PDE9A: variants seen among roughly 807,000 people sequenced by gnomAD.
PDE9A encodes the protein phosphodiesterase 9A.
PDE9A carries 60 observed loss-of-function variants against 87.4 expected under a neutral mutation model. The observed-to-expected ratio is 0.69, with a 90% CI of 0.56 to 0.85. The LOEUF is 0.85. PDE9A is among the 40% of genes least tolerant of loss of function. PDE9A has a pLI of 0.00. For missense variants in PDE9A, 665 were observed against 779.0 expected (o/e 0.85, Z 1.74); for synonymous variants, 272 against 279.4 (o/e 0.97, Z 0.27).
intron 1 of PDE9A, among the ~76,000 whole-genome samples, chr21:42,666,942 G>A (rs1387815206): frequency 6.6e-6 from 1 of 152,204 alleles, no homozygotes; most frequent in Non-Finnish European, 1.5e-5. Context: ...CCAAAAGGTT[G>A]AAAGGCGGCA....
rs754316091 is a variant in PDE9A, at chr21:42,760,185, A to C, written c.898-143A>C. On this transcript the variant is annotated intron_variant, in intron 11 of 19. Coordinates refer to ENST00000291539, the MANE Select transcript of PDE9A (RefSeq NM_002606.3). The surrounding 1 kb of genome is among the most constrained non-coding windows in gnomAD (Gnocchi z 5.2). ...GTGTCACCTCATTGGTACCTGTGGT[A>C]AACCTGGAACACTGTTGACCTCTGG... 1 of 631,036 alleles carries C rather than the reference A, an allele frequency of 1.6e-6. No individual in the cohort carries two copies. The allele number at this position is 631,036 out of a possible 1,614,324, so 39.1% of individuals were successfully genotyped here.
At chr21:42,673,574 A>G (rs1358226146) in intron 1 of PDE9A, among the ~76,000 whole-genome samples, 1 of 152,256 alleles carries the variant, frequency 6.6e-6, no homozygotes, top group Non-Finnish European at 1.5e-5. Context: ...TGGGCAAATC[A>G]TAATAGTTTC....
chr21:42,770,045 C>G (rs2056887691), intron 17 of PDE9A, among the ~76,000 whole-genome samples: 1 of 152,166 alleles, frequency 6.6e-6, no homozygotes, highest in Non-Finnish European at 1.5e-5. Flanking sequence ...CGTCCCAGTT[C>G]CTCACCTGTG....
intron 4 of PDE9A, chr21:42,724,636 T>A (rs1404106423): frequency 1.0e-6 from 1 of 975,680 alleles, no homozygotes; most frequent in Non-Finnish European, 1.2e-6. Flanking sequence ...TCCATCGGTG[T>A]AAGTACCACC....
At chr21:42,697,378 G>C in intron 3 of PDE9A, 1 of 1,317,862 alleles carries the variant, frequency 7.6e-7, no homozygotes, top group Non-Finnish European at 1.1e-6. Flanking sequence ...AGCTTGGTGT[G>C]TATACCCCTC....
rs145969424 is a variant in PDE9A at position 42,695,564 on chromosome 21, C to T, written c.219-3404C>T. Among the ~76,000 whole-genome samples, 591 of 152,296 alleles carry T rather than the reference C, an allele frequency of 3.9e-3. 3 individuals carry two copies. The highest frequency in any genetic ancestry group is 0.012 in the African/African-American group (480 of 41,562). Reference sequence around the variant, plus strand: ...GTTCCCGGTTTCGGCCAAGTTGTGCCGCAGGTGACTCTCCACCGGCTGAGC... The same window carrying T: ...GTTCCCGGTTTCGGCCAAGTTGTGCTGCAGGTGACTCTCCACCGGCTGAGC... On this transcript the variant is annotated intron_variant, in intron 3 of 19. Transcript: ENST00000291539. This position sits in a 1 kb window ranked among gnomAD's most constrained non-coding sequence, Gnocchi z 4.3.
intron 1 of PDE9A, among the ~76,000 whole-genome samples, chr21:42,679,410 G>A (rs747537401): frequency 7.3e-5 from 11 of 151,582 alleles, no homozygotes; most frequent in Non-Finnish European, 1.0e-4. Context: ...TTGCTGCTTC[G>A]GGGCTCTCAG....
At chr21:42,740,589 GGATGGATGGA>G (rs2053040681) in intron 7 of PDE9A, among the ~76,000 whole-genome samples, 1 of 42,722 alleles carries the variant, frequency 2.3e-5, no homozygotes, top group Non-Finnish European at 5.2e-5. Context: ...ATGGGTGGAT[GGATGGATGGA>G]TGGATGGATG....
At chr21:42,710,196 T>C (rs970781273) in intron 4 of PDE9A, among the ~76,000 whole-genome samples, 5 of 151,878 alleles carry the variant, frequency 3.3e-5, no homozygotes, top group African/African-American at 9.7e-5. Context: ...TCACTTGAGG[T>C]CAGGAGTTCG....
Position 42,751,178 on chromosome 21 carries a change from A to G in PDE9A, c.716A>G (p.Asp239Gly). The change falls in exon 9 of 20, where the codon GAT (aspartate) becomes GGT (glycine). Residue 239 changes from aspartate to glycine, a missense_variant. By Grantham distance (94) the Asp-to-Gly change is moderately conservative. Coordinates refer to ENST00000291539, the MANE Select transcript of PDE9A (RefSeq NM_002606.3). ...DNHKKLTPRR[D>G]VPTYPKYLLS... is the part of the protein sequence containing the mutation. ...CACAAGAAGTTGACTCCTCGACGCGATGTTCCCACTTACCCCAAGGTAAGA... is the reference window on the plus strand; with the variant it reads ...CACAAGAAGTTGACTCCTCGACGCGGTGTTCCCACTTACCCCAAGGTAAGA... The G allele has an allele frequency of 1.2e-6, 2 of 1,611,948 alleles. No homozygotes were observed. Among genetic ancestry groups the G allele is most frequent in the South Asian group, 1.1e-5 (1 of 91,034 alleles).
rs1038447160 is a variant in PDE9A, at chr21:42,697,000, C to G, written c.219-1968C>G. Among the ~76,000 whole-genome samples the G allele has an allele frequency of 2.6e-5, 4 of 152,190 alleles. No individual in the cohort carries two copies. Among genetic ancestry groups the G allele is most frequent in the Non-Finnish European group, 5.9e-5 (4 of 68,032 alleles). ...AGCCCTCCAGTGCCAAATGACCCAC[C>G]ACTAAAAGGCCTTTTGAGGCAGGGC... On this transcript the variant is annotated intron_variant, in intron 3 of 19. Transcript: ENST00000291539. This position sits in a 1 kb window ranked among gnomAD's most constrained non-coding sequence, Gnocchi z 5.1.
intron 1 of PDE9A, among the ~76,000 whole-genome samples, chr21:42,674,175 C>T (rs115717898): frequency 2.2e-3 from 339 of 152,264 alleles, no homozygotes; most frequent in African/African-American, 6.4e-3. Flanking sequence ...CAAGCAGGAC[C>T]CCTGCCCAGG....
At chr21:42,732,175 C>CT (rs1569215269) in intron 6 of PDE9A, 51 bp downstream of exon 6, 5 of 1,554,624 alleles carry the variant, frequency 3.2e-6, no homozygotes, top group Non-Finnish European at 4.4e-6. Flanking sequence ...ACATCTTTCT[C>CT]TAAGAGCGAG....
At chr21:42,698,816 ACAGT>A (rs1372860957) in intron 3 of PDE9A, 148 bp from the exon 4 acceptor site, 15 of 501,064 alleles carry the variant, frequency 3.0e-5, no homozygotes, top group South Asian at 1.1e-4. Flanking sequence ...GAAGCTGAGA[ACAGT>A]CAAAGAAGCT....
chr21:42,715,446 G>A (rs547985350), intron 4 of PDE9A, among the ~76,000 whole-genome samples: 2 of 147,082 alleles, frequency 1.4e-5, no homozygotes, highest in African/African-American at 4.9e-5. Context: ...GGCCAACATG[G>A]TGAAACCCTG....
rs540909160 is a variant in PDE9A at position 42,766,376 on chromosome 21, A to G, written c.1356+882A>G. On this transcript the variant is annotated intron_variant, in intron 15 of 19. Transcript: ENST00000291539. ...TGAGAACTGCCCTCCCGGCCTTCAG[A>G]GAGAAAGCTGGTTTTGTGGAGCCTT... Among the ~76,000 whole-genome samples, 65 of 151,736 alleles carry G rather than the reference A, an allele frequency of 4.3e-4. 2 individuals are homozygous for G. In the South Asian group the frequency reaches 8.9e-3, roughly 21 times the overall value.
rs1025114057 is a variant in PDE9A, at chr21:42,692,456, G to T, written c.218+4462G>T. On this transcript the variant is annotated intron_variant, in intron 3 of 19. Transcript: ENST00000291539. The surrounding 1 kb of genome is among the most constrained non-coding windows in gnomAD (Gnocchi z 4.3). Reference sequence around the variant, plus strand: ...GCACCTGGTGTCTGAGGTCTCCCCTGTGCTCTGTCGCTGTCCTCTCACCCT... The same window carrying T: ...GCACCTGGTGTCTGAGGTCTCCCCTTTGCTCTGTCGCTGTCCTCTCACCCT... Among the ~76,000 whole-genome samples the T allele has an allele frequency of 6.6e-6, 1 of 152,142 alleles. No homozygotes were observed. Among genetic ancestry groups the T allele is most frequent in the Non-Finnish European group, 1.5e-5 (1 of 68,016 alleles).
intron 1 of PDE9A, among the ~76,000 whole-genome samples, chr21:42,656,311 G>A (rs961291055): frequency 6.6e-6 from 1 of 152,304 alleles, no homozygotes; most frequent in East Asian, 1.9e-4. Context: ...GGGCACACCC[G>A]CCCCTTCGTT....
At chr21:42,755,269 C>T (rs1454795688) in intron 10 of PDE9A, among the ~76,000 whole-genome samples, 2 of 152,254 alleles carry the variant, frequency 1.3e-5, no homozygotes, top group Non-Finnish European at 2.9e-5. Flanking sequence ...CTCTTGGCAC[C>T]CCTGAGGCCA....
Sources: gnomAD v4.1 joint callset for allele counts (sites outside exome capture counted in the v4.1 genomes callset) on GRCh38, gnomAD v4.1.1 for gene constraint, Gnocchi (gnomAD v3.1) non-coding constraint, MANE v1.5 for transcripts, NCBI Gene and HGNC (gene_info 2026-07-23, HGNC 2026-07-21) for gene names.